The following GABBR2 variants were observed in gnomAD, a reference collection of about 807,000 sequenced individuals.
GABBR2 encodes G-protein coupled receptor 51.
In GABBR2, 23 loss-of-function variants were observed where a neutral mutation model predicts 105.6. The ratio of observed to expected loss-of-function variants is 0.22; its 90% confidence interval spans 0.16 to 0.31. The LOEUF (loss-of-function observed/expected upper bound fraction) is 0.31. Ranked by LOEUF, GABBR2 falls within the 10% of genes least tolerant of loss-of-function variation. The probability of loss-of-function intolerance (pLI) is 1.00; values close to 1 mark genes in which losing one functional copy is unlikely to be tolerated. For synonymous variants in GABBR2, 478 were observed against 499.7 expected (o/e 0.96, Z 0.58); for missense variants, 734 against 1,245.5 (o/e 0.59, Z 6.18).
intron 8 of GABBR2, among the ~76,000 whole-genome samples, chr9:98,402,408 G>C (rs976937763): frequency 1.3e-5 from 2 of 152,124 alleles, no homozygotes; most frequent in African/African-American, 4.8e-5. Flanking sequence ...ATGGCATCAG[G>C]GAGGAGCATG....
At chr9:98,315,894 C>A (rs1830707523) in intron 13 of GABBR2, among the ~76,000 whole-genome samples, 1 of 152,238 alleles carries the variant, frequency 6.6e-6, no homozygotes, top group African/African-American at 2.4e-5. Context: ...TTTCCAAGCA[C>A]CATGGGGGAC....
At chr9:98,330,780 T>G (rs1476810071) in intron 13 of GABBR2, among the ~76,000 whole-genome samples, 1 of 152,234 alleles carries the variant, frequency 6.6e-6, no homozygotes, top group African/African-American at 2.4e-5. Flanking sequence ...ATTCACAATT[T>G]AAACCATTTT....
At chr9:98,394,523 A>G (rs150289939) in intron 8 of GABBR2, among the ~76,000 whole-genome samples, 67 of 152,266 alleles carry the variant, frequency 4.4e-4, no homozygotes, top group South Asian at 1.9e-3. Context: ...CTACAACTGT[A>G]CTCTGTCTGG....
At chr9:98,499,396 C>T (rs1274963149) in intron 3 of GABBR2, among the ~76,000 whole-genome samples, 1 of 152,202 alleles carries the variant, frequency 6.6e-6, no homozygotes, top group East Asian at 1.9e-4. Context: ...CTTCTGGATT[C>T]TGCCAGATGT....
intron 6 of GABBR2, among the ~76,000 whole-genome samples, chr9:98,465,583 C>T (rs562391294): frequency 2.6e-5 from 4 of 152,254 alleles, no homozygotes; most frequent in South Asian, 2.1e-4. Flanking sequence ...CCCAAGTCTC[C>T]GCAAACTATA....
intron 3 of GABBR2, among the ~76,000 whole-genome samples, chr9:98,525,687 AACAT>A (rs1827943193): frequency 6.6e-6 from 1 of 151,680 alleles, no homozygotes; most frequent in African/African-American, 2.4e-5. Flanking sequence ...GAGAAATGAA[AACAT>A]ACATCCCCAC....
chr9:98,463,797 G>A (rs1826477136), intron 6 of GABBR2, among the ~76,000 whole-genome samples: 1 of 152,242 alleles, frequency 6.6e-6, no homozygotes, highest in South Asian at 2.1e-4. Context: ...CGCCACTCCT[G>A]ACTGGTTTTT....
intron 8 of GABBR2, among the ~76,000 whole-genome samples, chr9:98,398,331 C>CCA (rs1554700509): frequency 6.6e-6 from 1 of 151,006 alleles, no homozygotes; most frequent in African/African-American, 2.5e-5. Flanking sequence ...GACCCACCCC[C>CCA]CAAACTCAGG....
At chr9:98,644,746 T>C (rs936440747) in intron 1 of GABBR2, among the ~76,000 whole-genome samples, 1 of 152,110 alleles carries the variant, frequency 6.6e-6, no homozygotes, top group Non-Finnish European at 1.5e-5. Context: ...GCAGGAAAAT[T>C]GCTTGAACCT....
rs568091046 is a variant in GABBR2 at position 98,400,875 on chromosome 9, T to A, written c.1297+5206A>T. Among the ~76,000 whole-genome samples, 13 of 149,036 alleles carry A rather than the reference T, an allele frequency of 8.7e-5. No individual in the cohort carries two copies. In the East Asian group the frequency reaches 2.4e-3, roughly 27 times the overall value. On this transcript the variant is annotated intron_variant, in intron 8 of 18. Coordinates refer to ENST00000259455, the MANE Select transcript of GABBR2 (RefSeq NM_005458.8). ...GGTGTTTGCCTTTCCTTGGGGGAGG[T>A]AGGAGTGGGATATGGGAATAAAGGA...
At chr9:98,385,185 C>T (rs1301399451) in intron 11 of GABBR2, among the ~76,000 whole-genome samples, 1 of 152,162 alleles carries the variant, frequency 6.6e-6, no homozygotes, top group East Asian at 1.9e-4. Context: ...GGGCTCTCTT[C>T]TAACAGTGGC....
At chr9:98,703,923 A>G (rs369706736) in intron 1 of GABBR2, among the ~76,000 whole-genome samples, 1 of 151,932 alleles carries the variant, frequency 6.6e-6, no homozygotes. Context: ...GATTTAATTA[A>G]CTTATACACT....
intron 2 of GABBR2, among the ~76,000 whole-genome samples, chr9:98,570,099 C>A (rs969878499): frequency 6.6e-6 from 1 of 152,182 alleles, no homozygotes; most frequent in Non-Finnish European, 1.5e-5. Context: ...TACCTCTACA[C>A]ACATAGAGTC....
chr9:98,649,828 G>C (rs1830080199), intron 1 of GABBR2, among the ~76,000 whole-genome samples: 1 of 152,216 alleles, frequency 6.6e-6, no homozygotes, highest in Non-Finnish European at 1.5e-5. Flanking sequence ...TCTTGGAAAG[G>C]TGGCATCCAG....
chr9:98,565,133 T>C (rs183629118), intron 2 of GABBR2, among the ~76,000 whole-genome samples: 2 of 152,278 alleles, frequency 1.3e-5, no homozygotes, highest in Non-Finnish European at 2.9e-5. Context: ...ACCTGAGGTA[T>C]GACTTTACAC....
intron 7 of GABBR2, among the ~76,000 whole-genome samples, chr9:98,426,556 G>A (rs1368337222): frequency 6.6e-6 from 1 of 152,192 alleles, no homozygotes; most frequent in Non-Finnish European, 1.5e-5. Flanking sequence ...AGGTGTCCCT[G>A]GCATGCCTGA....
intron 13 of GABBR2, 108 bp downstream of exon 13, chr9:98,362,607 G>A (rs1208127303): frequency 6.3e-6 from 5 of 797,002 alleles, no homozygotes; most frequent in Non-Finnish European, 9.0e-6. Context: ...AACTGATGAA[G>A]TGTTCCCAGT....
chr9:98,565,715 G>A (rs1253312849), intron 2 of GABBR2, among the ~76,000 whole-genome samples: 2 of 152,134 alleles, frequency 1.3e-5, no homozygotes, highest in East Asian at 3.9e-4. Flanking sequence ...CCACTGCCAA[G>A]CCCCAGACCA....
chr9:98,558,767 T>A (rs1828624983), intron 2 of GABBR2, among the ~76,000 whole-genome samples: 3 of 152,200 alleles, frequency 2.0e-5, no homozygotes, highest in African/African-American at 7.2e-5. Flanking sequence ...ACAAAAGATG[T>A]GAAACAAAGT....
Sources: gnomAD v4.1 joint callset for allele counts (sites outside exome capture counted in the v4.1 genomes callset) on GRCh38, gnomAD v4.1.1 for gene constraint, MANE v1.5 for transcripts, NCBI Gene and HGNC (gene_info 2026-07-23, HGNC 2026-07-21) for gene names.